DCAF6: variants seen among roughly 807,000 people sequenced by gnomAD.
DCAF6 encodes DDB1 and CUL4 associated factor 6.
Under a neutral mutation model 125.1 loss-of-function variants are expected in DCAF6, and 54 were observed. The observed-to-expected ratio is 0.43, with a 90% CI of 0.35 to 0.54. DCAF6 has a LOEUF of 0.54. Among genes scored for constraint, DCAF6 ranks in the 20% least tolerant of loss-of-function variants. The pLI is 0.01. For synonymous variants in DCAF6, 371 were observed against 390.4 expected, an observed-to-expected ratio of 0.95 and a Z score of 0.58; for missense variants, 934 against 1,161.7, an observed-to-expected ratio of 0.80 and a Z score of 2.85.
the DCAF6 span, chr1:167,878,324 G>T: frequency 9.1e-7 from 1 of 1,102,856 alleles, no homozygotes; most frequent in Non-Finnish European, 1.4e-6. Context: ...CCTTGGTCTG[G>T]GGAAAGCATA....
At chr1:167,865,864 C>T in the DCAF6 span, among the ~76,000 whole-genome samples, 1 of 152,174 alleles carries the variant, frequency 6.6e-6, no homozygotes, top group Admixed American at 6.5e-5. Flanking sequence ...GTCCACCAGG[C>T]GTGGGCTGCA....
At chr1:167,889,634 G>GT in the DCAF6 span, among the ~76,000 whole-genome samples, 1 of 152,124 alleles carries the variant, frequency 6.6e-6, no homozygotes, top group Admixed American at 6.5e-5. Flanking sequence ...TTTCAGAGTA[G>GT]TTTGAGTACG....
the DCAF6 span, among the ~76,000 whole-genome samples, chr1:167,903,018 G>T: frequency 6.6e-3 from 1,002 of 152,338 alleles, 7 homozygotes; most frequent in African/African-American, 0.023. Context: ...ACTTTGGGAG[G>T]CTGAGGTGGG....
At chr1:167,925,519 C>T in the DCAF6 span, among the ~76,000 whole-genome samples, 1 of 111,298 alleles carries the variant, frequency 9.0e-6, no homozygotes, top group Admixed American at 9.2e-5. Flanking sequence ...ATACAAACAA[C>T]GTTTTTTTTT....
At chr1:168,046,719 A>G (rs1222538997) in intron 16 of DCAF6, among the ~76,000 whole-genome samples, 1 of 152,148 alleles carries the variant, frequency 6.6e-6, no homozygotes, top group Non-Finnish European at 1.5e-5. Context: ...GAGGTTAGCA[A>G]GCTTAGCACA....
chr1:167,880,583 G>A, the DCAF6 span: 2 of 1,613,936 alleles, frequency 1.2e-6, no homozygotes, highest in Admixed American at 1.7e-5. Flanking sequence ...CCCCAGGGAA[G>A]CCAAAGACAC....
chr1:167,965,343 C>A (rs10800333), intron 2 of DCAF6, among the ~76,000 whole-genome samples: 1 of 151,896 alleles, frequency 6.6e-6, no homozygotes, highest in Non-Finnish European at 1.5e-5. Context: ...TTCCCCAATG[C>A]GGAAGGCTGG....
chr1:167,957,490 T>G (rs892237871), intron 2 of DCAF6, among the ~76,000 whole-genome samples: 1 of 152,186 alleles, frequency 6.6e-6, no homozygotes, highest in Non-Finnish European at 1.5e-5. Context: ...CCACATTTAA[T>G]ATTTCATTGT....
chr1:168,036,327 C>G (rs897624439), intron 12 of DCAF6, among the ~76,000 whole-genome samples: 1 of 152,122 alleles, frequency 6.6e-6, no homozygotes, highest in Non-Finnish European at 1.5e-5. Flanking sequence ...CTTCTCATAA[C>G]TTAAGAAGTC....
At chr1:168,013,397 T>G (rs1176427136) in intron 10 of DCAF6, among the ~76,000 whole-genome samples, 1 of 152,254 alleles carries the variant, frequency 6.6e-6, no homozygotes, top group Non-Finnish European at 1.5e-5. Context: ...CCAAATTTTT[T>G]ACTCTTAGTA....
At chr1:167,894,350 G>A in the DCAF6 span, among the ~76,000 whole-genome samples, 2 of 152,128 alleles carry the variant, frequency 1.3e-5, no homozygotes, top group Admixed American at 1.3e-4. Flanking sequence ...AAGAAGACTG[G>A]TTTCTGATCT....
At chr1:167,880,144 A>G in the DCAF6 span, 1 of 1,613,370 alleles carries the variant, frequency 6.2e-7, no homozygotes, top group Non-Finnish European at 8.5e-7. Flanking sequence ...AGTGTGTCCA[A>G]CGATCCCACA....
At chr1:167,895,568 T>C in the DCAF6 span, among the ~76,000 whole-genome samples, 9 of 152,216 alleles carry the variant, frequency 5.9e-5, no homozygotes. Context: ...GATACGTTAA[T>C]ATTAGATGCC....
the DCAF6 span, among the ~76,000 whole-genome samples, chr1:167,922,802 T>C: frequency 9.9e-5 from 15 of 152,262 alleles, no homozygotes; most frequent in East Asian, 2.9e-3. Context: ...GTTCTAACCA[T>C]TTTAAAAGTA....
chr1:167,924,759 G>A, the DCAF6 span, among the ~76,000 whole-genome samples: 1 of 152,024 alleles, frequency 6.6e-6, no homozygotes, highest in Non-Finnish European at 1.5e-5. Flanking sequence ...GAACTGATAG[G>A]TTCAACTGTA....
the DCAF6 span, among the ~76,000 whole-genome samples, chr1:167,922,233 A>C: frequency 1.3e-5 from 2 of 152,172 alleles, no homozygotes; most frequent in Non-Finnish European, 2.9e-5. Flanking sequence ...GTATGATTTC[A>C]ACATGTACTT....
intron 2 of DCAF6, 80 bp downstream of exon 2, chr1:167,951,941 C>A: frequency 1.2e-6 from 1 of 848,778 alleles, no homozygotes. Flanking sequence ...CCAATCCTCC[C>A]AGAAAGGATT....
At chr1:167,888,769 A>G in the DCAF6 span, among the ~76,000 whole-genome samples, 2 of 150,220 alleles carry the variant, frequency 1.3e-5, no homozygotes, top group African/African-American at 4.9e-5. Context: ...CCAGCTACTC[A>G]GGAGGCTGAG....
chr1:167,985,314 T>C (rs894180747), intron 4 of DCAF6, among the ~76,000 whole-genome samples: 9 of 152,144 alleles, frequency 5.9e-5, no homozygotes, highest in African/African-American at 2.2e-4. Context: ...TGAAATAAGG[T>C]GTACTGGGCT....
Sources: allele counts gnomAD v4.1 joint callset (sites outside exome capture counted in the v4.1 genomes callset), GRCh38; gene constraint gnomAD v4.1.1; transcripts MANE v1.5; gene names NCBI Gene and HGNC (gene_info 2026-07-23, HGNC 2026-07-21).